The following AVEN variants were observed in gnomAD, a reference collection of about 807,000 sequenced individuals.
The protein encoded by AVEN is cell death regulator Aven.
Under a neutral mutation model 38.1 loss-of-function variants are expected in AVEN, and 41 were observed. That is an observed-to-expected ratio of 1.08 (90% CI 0.84 to 1.40). The LOEUF is 1.40. Ranked by LOEUF, AVEN falls within the 40% of genes most tolerant of loss-of-function variation. The pLI, the probability that AVEN is intolerant of heterozygous loss-of-function variation, is 0.00. For synonymous variants in AVEN, 206 were observed against 171.8 expected, an observed-to-expected ratio of 1.20 and a Z score of -1.56; for missense variants, 605 against 438.8, an observed-to-expected ratio of 1.38 and a Z score of -3.38.
chr15:33,984,014 A>G (rs1244052050), intron 2 of AVEN, among the ~76,000 whole-genome samples: 4 of 152,130 alleles, frequency 2.6e-5, no homozygotes, highest in Non-Finnish European at 5.9e-5. Flanking sequence ...TTCAGAAAAG[A>G]CTGAGAAACT....
intron 2 of AVEN, among the ~76,000 whole-genome samples, chr15:33,906,362 C>T (rs1489070269): frequency 1.3e-5 from 2 of 152,144 alleles, no homozygotes; most frequent in African/African-American, 2.4e-5. Flanking sequence ...TGAGAAGCAC[C>T]TTTTAAAATA....
chr15:34,066,851 T>C (rs1900524761), intron 2 of AVEN: 1 of 151,978 alleles, frequency 6.6e-6, no homozygotes, highest in Admixed American at 6.6e-5. Context: ...CAATGCTTCT[T>C]TTTTTATCAT....
At position 33,867,935 on chromosome 15, in the gene AVEN, G is replaced by A. The variant is rs958864982; in HGVS notation, c.613-80C>T. The stretch of plus-strand genomic sequence containing the variant: ...TAAGTAAATACATAGGAGGCTAAAC[G>A]AAGCCATCAAACTTTGTGACAGAGG... On this transcript the variant is annotated intron_variant, in intron 4 of 5. Coordinates refer to ENST00000306730, the MANE Select transcript of AVEN (RefSeq NM_020371.3). 1.6e-5 allele frequency: 24 copies of A among 1,480,136 alleles called. No individual in the cohort carries two copies. In the Admixed American group the frequency reaches 1.9e-4, roughly 12 times the overall value. 91.7% of individuals were successfully genotyped at this position (1,480,136 alleles called of 1,614,324 possible). A position where few individuals can be genotyped will look rare whatever the true frequency, so the allele number is the denominator to read the frequency against.
At chr15:33,914,634 A>G (rs1893052588) in intron 2 of AVEN, among the ~76,000 whole-genome samples, 1 of 150,616 alleles carries the variant, frequency 6.6e-6, no homozygotes, top group South Asian at 2.1e-4. Flanking sequence ...CACACACTTG[A>G]ATGCATTGAT....
chr15:33,957,480 T>C (rs1894999933), intron 2 of AVEN, among the ~76,000 whole-genome samples: 1 of 152,096 alleles, frequency 6.6e-6, no homozygotes, highest in African/African-American at 2.4e-5. Flanking sequence ...GACCCAACAA[T>C]CCTACTCCTA....
chr15:33,973,581 C>T (rs1305689529), intron 2 of AVEN, among the ~76,000 whole-genome samples: 3 of 152,132 alleles, frequency 2.0e-5, no homozygotes, highest in Non-Finnish European at 2.9e-5. Flanking sequence ...CCAAGCGCAA[C>T]CTGTAATCCC....
Position 34,013,173 on chromosome 15 carries a change from T to C in AVEN, c.268-9964A>G, listed in dbSNP as rs561128609. On this transcript the variant is annotated intron_variant, in intron 1 of 5. Coordinates refer to ENST00000306730, the MANE Select transcript of AVEN (RefSeq NM_020371.3). ...GCCTCCTGGGTTCAAGCGATTCTCATGTCTCAGCCTCCTGAGTAGCTGGGA... is the reference window on the plus strand; with the variant it reads ...GCCTCCTGGGTTCAAGCGATTCTCACGTCTCAGCCTCCTGAGTAGCTGGGA... Among the ~76,000 whole-genome samples the C allele has an allele frequency of 9.9e-5, 15 of 152,186 alleles. No individual in the cohort carries two copies. The East Asian group carries it at 1.6e-3, about 16-fold the overall frequency.
chr15:33,865,324 TTCTAAATGCCTCC>T (rs1890139715), downstream of AVEN: 1 of 821,072 alleles, frequency 1.2e-6, no homozygotes, highest in Non-Finnish European at 1.9e-6. Flanking sequence ...ATGTGACATT[TTCTAAATGCCTCC>T]CTTAAAAAAA....
chr15:33,875,842 G>C, intron 3 of AVEN, 83 bp downstream of exon 3: 3 of 1,294,708 alleles, frequency 2.3e-6, no homozygotes, highest in East Asian at 2.3e-5. Flanking sequence ...TCTACATGAA[G>C]ACTCTATCTC....
intron 1 of AVEN, among the ~76,000 whole-genome samples, chr15:34,070,732 A>G (rs558849876): frequency 6.6e-6 from 1 of 152,202 alleles, no homozygotes; most frequent in African/African-American, 2.4e-5. Context: ...AACAAGTTGA[A>G]CAACTCTGGA....
downstream of AVEN, among the ~76,000 whole-genome samples, chr15:33,857,081 A>G (rs2079757191): frequency 6.6e-6 from 1 of 152,134 alleles, no homozygotes; most frequent in Non-Finnish European, 1.5e-5. Flanking sequence ...TGCACTATTC[A>G]ATACTTAAGT....
intron 2 of AVEN, among the ~76,000 whole-genome samples, chr15:33,934,084 G>T (rs117569099): frequency 6.6e-6 from 1 of 152,020 alleles, no homozygotes; most frequent in Non-Finnish European, 1.5e-5. Flanking sequence ...TGATTAAAAA[G>T]ATCTTCAGGA....
At chr15:33,853,728 A>G in the AVEN span, 6 of 1,584,118 alleles carry the variant, frequency 3.8e-6, no homozygotes, top group African/African-American at 8.1e-5. Flanking sequence ...TAAAATAGAT[A>G]GATCTTTGCT....
chr15:34,038,637 A>C, intron 1 of AVEN, 143 bp downstream of exon 1: 1 of 627,526 alleles, frequency 1.6e-6, no homozygotes. Flanking sequence ...CCGCGCCACC[A>C]TCCGCCCGTC....
At chr15:33,940,147 C>A (rs562738858) in intron 2 of AVEN, among the ~76,000 whole-genome samples, 171 of 152,202 alleles carry the variant, frequency 1.1e-3, no homozygotes, top group Non-Finnish European at 1.9e-3. Context: ...TTTAAGCCAC[C>A]CAGTTTAAGT....
chr15:33,920,789 G>C (rs929211148), intron 2 of AVEN, among the ~76,000 whole-genome samples: 1 of 151,202 alleles, frequency 6.6e-6, no homozygotes. Context: ...TTTTTTAGAT[G>C]AAGTCTTGCT....
intron 1 of AVEN, among the ~76,000 whole-genome samples, chr15:34,035,617 T>C (rs891207951): frequency 9.2e-5 from 14 of 152,138 alleles, no homozygotes; most frequent in Admixed American, 8.5e-4. Flanking sequence ...TCTCATCTTA[T>C]ATTAAGTACT....
In AVEN at chr15:34,063,997, C is replaced by G. The variant is rs747796110; in HGVS notation, n.1127-565G>C. 1.9e-5 allele frequency: 31 copies of G among 1,614,066 alleles called. No individual in the cohort carries two copies. Among genetic ancestry groups the G allele is most frequent in the Non-Finnish European group, 2.5e-5 (29 of 1,180,050 alleles). Reference sequence around the variant, plus strand: ...AATCCCAACCCCAGCCATCAAATGACCAAACGAAAGAGAGTGGTCCTAGTC... The same window carrying G: ...AATCCCAACCCCAGCCATCAAATGAGCAAACGAAAGAGAGTGGTCCTAGTC... On this transcript the variant is annotated intron_variant and non_coding_transcript_variant, in intron 4 of 11. Transcript: ENST00000675287. The surrounding 1 kb of genome is among the most constrained non-coding windows in gnomAD (Gnocchi z 4.1).
At chr15:33,882,878 T>TCAAA (rs754394039) in intron 2 of AVEN, among the ~76,000 whole-genome samples, 1 of 151,870 alleles carries the variant, frequency 6.6e-6, no homozygotes, top group Non-Finnish European at 1.5e-5. Flanking sequence ...AGACCCTGTC[T>TCAAA]CAAACAAACA....
Sources: gnomAD v4.1 joint callset for allele counts (sites outside exome capture counted in the v4.1 genomes callset) on GRCh38, gnomAD v4.1.1 for gene constraint, Gnocchi (gnomAD v3.1) non-coding constraint, MANE v1.5 for transcripts, NCBI Gene and HGNC (gene_info 2026-07-23, HGNC 2026-07-21) for gene names.